Variants in CPNE5 observed in about 807,000 individuals in gnomAD.
CPNE5 encodes copine 5, also known as copine-5.
CPNE5 carries 42 observed loss-of-function variants against 81.1 expected under a neutral mutation model. That is an observed-to-expected ratio of 0.52 (90% confidence interval 0.40 to 0.67). The LOEUF is 0.67. CPNE5 is among the 30% of genes least tolerant of loss of function. The pLI is 0.00. For synonymous variants in CPNE5, 313 were observed against 321.5 expected, an observed-to-expected ratio of 0.97 and a Z score of 0.28; for missense variants, 612 against 815.5, an observed-to-expected ratio of 0.75 and a Z score of 3.04.
chr6:36,768,225 C>CTTTTTTTCTTTTTTTT lies in CPNE5; in HGVS notation c.738-2850_738-2849insAAAAAAAAGAAAAAAA, dbSNP rs527797208. 2.5e-3 allele frequency among the ~76,000 whole-genome samples: 154 copies of CTTTTTTTCTTTTTTTT among 60,520 alleles called. 36 individuals carry two copies. Among genetic ancestry groups the CTTTTTTTCTTTTTTTT allele is most frequent in the Middle Eastern group, 0.015 (1 of 68 alleles). The allele number at this position is 60,520 out of a possible 152,430, so 39.7% of individuals were successfully genotyped here. A position where few individuals can be genotyped will look rare whatever the true frequency, so the allele number is the denominator to read the frequency against. ...GGCTTTGACTACTCTATTCACAGTT[C>CTTTTTTTCTTTTTTTT]TTTTTTTTTTTTTTTTTTTTTTTTT... On this transcript the variant is annotated intron_variant, in intron 10 of 20. Transcript: ENST00000244751.
chr6:36,812,620 G>A (rs1003120310), intron 3 of CPNE5, among the ~76,000 whole-genome samples: 3 of 152,186 alleles, frequency 2.0e-5, no homozygotes, highest in Non-Finnish European at 4.4e-5. Context: ...TGTCAAAGCA[G>A]GTTTTAAAGC....
chr6:36,756,018 T>TAA (rs1453773810), intron 13 of CPNE5: 1 of 542,536 alleles, frequency 1.8e-6, no homozygotes, highest in Admixed American at 3.6e-5. Flanking sequence ...TCTCTGCGAT[T>TAA]CCTCATGCTA....
chr6:36,742,711 A>G, intron 20 of CPNE5: 2 of 985,140 alleles, frequency 2.0e-6, no homozygotes, highest in Non-Finnish European at 2.4e-6. Context: ...CTCGACAAAA[A>G]CTGAGCCCTA....
At chr6:36,779,107 C>G (rs1160019569) in intron 8 of CPNE5, 150 bp from the exon 9 acceptor site, 5 of 565,076 alleles carry the variant, frequency 8.8e-6, no homozygotes, top group Non-Finnish European at 1.6e-5. Context: ...CAGACGGCCC[C>G]CCAGCAGGCC....
At position 36,766,655 on chromosome 6, in the gene CPNE5, C is replaced by G. The variant is rs893757744; in HGVS notation, c.738-1279G>C. On this transcript the variant is annotated intron_variant, in intron 10 of 20. Coordinates refer to ENST00000244751, the MANE Select transcript of CPNE5 (RefSeq NM_020939.2). This position sits in a 1 kb window ranked among gnomAD's most constrained non-coding sequence, Gnocchi z 4.2. ...GACCAGGACGGCCCTACGCTTGGAC[C>G]TGGGCCCCTCACTATGGGACCTGAG... is the stretch of plus-strand genomic sequence containing the variant. Among the ~76,000 whole-genome samples the G allele has an allele frequency of 1.3e-5, 2 of 152,182 alleles. No individual in the cohort carries two copies. Among genetic ancestry groups the G allele is most frequent in the Non-Finnish European group, 2.9e-5 (2 of 68,034 alleles).
At chr6:36,768,225 C>CTTTTTTTTTTTTTTTTTTTTTTTTTTTTT (rs10586762) in intron 10 of CPNE5, among the ~76,000 whole-genome samples, 1 of 60,496 alleles carries the variant, frequency 1.7e-5, no homozygotes. Context: ...ATTCACAGTT[C>CTTTTTTTTTTTTTTTTTTTTTTTTTTTTT]TTTTTTTTTT....
In CPNE5 at chr6:36,839,387, C is replaced by A. The variant is rs766170114; in HGVS notation, c.-10G>T. ...CCTCAGGCTGCTCCATCGCCCACCG[C>A]ACCCCCCACCCCAAATTAGTCAATC... On this transcript the variant is annotated 5_prime_UTR_variant, in exon 1 of 21. Coordinates refer to ENST00000244751, the MANE Select transcript of CPNE5 (RefSeq NM_020939.2). This position sits in a 1 kb window ranked among gnomAD's most constrained non-coding sequence, Gnocchi z 7.3. 3 of 1,538,584 alleles carry A rather than the reference C, an allele frequency of 1.9e-6. No individual in the cohort carries two copies. Among genetic ancestry groups the A allele is most frequent in the Admixed American group, 2.0e-5 (1 of 50,306 alleles).
intron 3 of CPNE5, among the ~76,000 whole-genome samples, chr6:36,806,318 A>G (rs572705766): frequency 6.6e-6 from 1 of 152,162 alleles, no homozygotes; most frequent in African/African-American, 2.4e-5. Flanking sequence ...CCAGTGGGAG[A>G]CACTGGTAGA....
chr6:36,757,078 C>G (rs147116000), intron 12 of CPNE5, among the ~76,000 whole-genome samples: 167 of 152,300 alleles, frequency 1.1e-3, no homozygotes, highest in African/African-American at 3.8e-3. Context: ...GTGATGCAGT[C>G]CCAAATCCCA....
intron 8 of CPNE5, among the ~76,000 whole-genome samples, chr6:36,780,648 T>C (rs866477087): frequency 2.0e-5 from 3 of 152,182 alleles, no homozygotes; most frequent in Non-Finnish European, 4.4e-5. Flanking sequence ...CCACAGTGTG[T>C]GTGACCTCTG....
At chr6:36,753,192 G>C (rs1319051335) in intron 13 of CPNE5, 97 bp from the exon 14 acceptor site, 3 of 983,352 alleles carry the variant, frequency 3.1e-6, no homozygotes, top group Non-Finnish European at 4.9e-6. Context: ...CTCGGCATGT[G>C]CCAGTTTTGC....
chr6:36,750,559 C>T (rs1239602768), intron 14 of CPNE5, among the ~76,000 whole-genome samples: 5 of 152,214 alleles, frequency 3.3e-5, no homozygotes, highest in Non-Finnish European at 7.3e-5. Context: ...CCAACCCTGC[C>T]ATCCCACAGA....
intron 17 of CPNE5, 34 bp downstream of exon 17, chr6:36,745,354 G>C (rs746597357): frequency 1.9e-6 from 3 of 1,593,710 alleles, no homozygotes; most frequent in Non-Finnish European, 1.7e-6. Context: ...CAGAGGCCTT[G>C]TGAGTGCCTG....
chr6:36,744,463 C>A, intron 18 of CPNE5, 138 bp from the exon 19 acceptor site: 2 of 695,758 alleles, frequency 2.9e-6, no homozygotes, highest in South Asian at 1.6e-5. Context: ...CAGAGAAACA[C>A]AGAAAAGGGG....
At chr6:36,794,508 C>A in intron 7 of CPNE5, 82 bp downstream of exon 7, 1 of 1,315,108 alleles carries the variant, frequency 7.6e-7, no homozygotes. Flanking sequence ...GGAGCAGGGA[C>A]GAGGCCCAGA....
intron 3 of CPNE5, among the ~76,000 whole-genome samples, chr6:36,818,096 A>G (rs929250834): frequency 6.6e-6 from 1 of 152,164 alleles, no homozygotes; most frequent in Non-Finnish European, 1.5e-5. Flanking sequence ...CCCCGTCTGT[A>G]GGATGAGGAG....
At chr6:36,780,552 G>T (rs933599360) in intron 8 of CPNE5, among the ~76,000 whole-genome samples, 1 of 152,214 alleles carries the variant, frequency 6.6e-6, no homozygotes, top group African/African-American at 2.4e-5. Context: ...CCATCTCATA[G>T]GCTCGTGAGA....
intron 3 of CPNE5, among the ~76,000 whole-genome samples, chr6:36,809,236 C>T (rs1770878355): frequency 6.6e-6 from 1 of 150,410 alleles, no homozygotes; most frequent in African/African-American, 2.4e-5. Flanking sequence ...AAGGGAGAGA[C>T]AGAGAGAGAG....
intron 3 of CPNE5, among the ~76,000 whole-genome samples, chr6:36,809,236 C>CAG (rs144934153): frequency 1.3e-5 from 2 of 150,408 alleles, no homozygotes; most frequent in Non-Finnish European, 3.0e-5. Context: ...AAGGGAGAGA[C>CAG]AGAGAGAGAG....
Sources: allele counts gnomAD v4.1 joint callset (sites outside exome capture counted in the v4.1 genomes callset), GRCh38; gene constraint gnomAD v4.1.1; non-coding constraint Gnocchi (gnomAD v3.1); transcripts MANE v1.5; gene names NCBI Gene and HGNC (gene_info 2026-07-23, HGNC 2026-07-21).